The following LRP1B variants were observed in gnomAD, a reference collection of about 807,000 sequenced individuals.
LRP1B encodes low-density lipoprotein receptor-related protein 1B.
Under a neutral mutation model 556.6 loss-of-function variants are expected in LRP1B, and 217 were observed. That is an observed-to-expected ratio of 0.39 (90% confidence interval 0.35 to 0.44). The LOEUF (loss-of-function observed/expected upper bound fraction) is 0.44. Ranked by LOEUF, LRP1B falls within the 20% of genes least tolerant of loss-of-function variation. LRP1B has a pLI of 1.00. For missense variants in LRP1B, 5,053 were observed against 5,620.8 expected (o/e 0.90, Z 3.23); for synonymous variants, 2,047 against 1,865.8 (o/e 1.10, Z -2.50).
At chr2:141,925,462 A>G (rs1243692524) in intron 1 of LRP1B, among the ~76,000 whole-genome samples, 1 of 152,200 alleles carries the variant, frequency 6.6e-6, no homozygotes, top group East Asian at 1.9e-4. Flanking sequence ...TCTGACTCCA[A>G]CAAAACACTA....
chr2:141,850,633 T>C (rs1250357113), intron 1 of LRP1B, among the ~76,000 whole-genome samples: 2 of 150,218 alleles, frequency 1.3e-5, no homozygotes, highest in Non-Finnish European at 3.0e-5. Context: ...TGTGTGTGTG[T>C]GTGTGTGTGT....
In LRP1B at chr2:140,274,618, C is replaced by T. The variant is rs1357598489; in HGVS notation, c.12968-20G>A. The T allele has an allele frequency of 6.3e-7, 1 of 1,597,110 alleles. No individual in the cohort carries two copies. Among genetic ancestry groups the T allele is most frequent in the Non-Finnish European group, 8.5e-7 (1 of 1,170,442 alleles). ...ACACGTCTAGGAAAAAAAGGCACAA[C>T]AGAAAAATAAAATTATATTACAGGA... On this transcript the variant is annotated intron_variant, in intron 84 of 90. Coordinates refer to ENST00000389484, the MANE Select transcript of LRP1B (RefSeq NM_018557.3).
intron 24 of LRP1B, among the ~76,000 whole-genome samples, chr2:140,885,070 A>C (rs1362294943): frequency 6.6e-6 from 1 of 152,180 alleles, no homozygotes; most frequent in Non-Finnish European, 1.5e-5. Flanking sequence ...GTAGTTTGTA[A>C]CATTGCTACC....
intron 2 of LRP1B, among the ~76,000 whole-genome samples, chr2:141,641,812 T>C (rs940011835): frequency 3.9e-5 from 6 of 152,190 alleles, no homozygotes; most frequent in African/African-American, 7.2e-5. Flanking sequence ...ATTAATAACA[T>C]TGTTTAATGA....
At chr2:140,438,775 AG>A (rs1246788150) in intron 66 of LRP1B, among the ~76,000 whole-genome samples, 3 of 152,214 alleles carry the variant, frequency 2.0e-5, no homozygotes, top group Non-Finnish European at 4.4e-5. Flanking sequence ...GTCAACTTAG[AG>A]GCAAGAATCT....
intron 23 of LRP1B, among the ~76,000 whole-genome samples, chr2:140,889,126 C>T (rs1266145182): frequency 1.3e-5 from 2 of 152,114 alleles, no homozygotes; most frequent in Admixed American, 1.3e-4. Flanking sequence ...TGCTGCCAGT[C>T]CACAGACTTT....
intron 43 of LRP1B, among the ~76,000 whole-genome samples, chr2:140,595,235 C>T (rs1167851335): frequency 6.6e-6 from 1 of 150,802 alleles, no homozygotes; most frequent in East Asian, 2.0e-4. Flanking sequence ...ATTGACAATG[C>T]TTTCATTTCA....
intron 1 of LRP1B, among the ~76,000 whole-genome samples, chr2:142,055,229 T>C (rs1357516781): frequency 6.6e-6 from 1 of 151,876 alleles, no homozygotes; most frequent in African/African-American, 2.4e-5. Context: ...GAATAGAGTG[T>C]GGATATAGAG....
intron 7 of LRP1B, among the ~76,000 whole-genome samples, chr2:141,067,154 T>C (rs1350154288): frequency 6.6e-6 from 1 of 152,014 alleles, no homozygotes; most frequent in Non-Finnish European, 1.5e-5. Flanking sequence ...AACAAGAAAG[T>C]AATTTTCCAC....
intron 2 of LRP1B, among the ~76,000 whole-genome samples, chr2:141,532,912 G>A (rs1437708113): frequency 6.6e-6 from 1 of 152,118 alleles, no homozygotes; most frequent in African/African-American, 2.4e-5. Context: ...CTTGAACTCC[G>A]GAGGCAGAGG....
intron 3 of LRP1B, among the ~76,000 whole-genome samples, chr2:141,361,414 A>T (rs1372688784): frequency 6.6e-6 from 1 of 152,114 alleles, no homozygotes; most frequent in African/African-American, 2.4e-5. Flanking sequence ...AATTATATTC[A>T]TATATTTAAA....
chr2:140,866,280 A>C (rs1402100733), intron 27 of LRP1B, among the ~76,000 whole-genome samples: 3 of 152,104 alleles, frequency 2.0e-5, no homozygotes, highest in Non-Finnish European at 4.4e-5. Flanking sequence ...GTTGAAGGAA[A>C]TTCTAGAGAA....
At chr2:141,548,729 T>C (rs1257901848) in intron 2 of LRP1B, among the ~76,000 whole-genome samples, 3 of 152,174 alleles carry the variant, frequency 2.0e-5, no homozygotes, top group African/African-American at 7.2e-5. Context: ...AGAGCCTTTA[T>C]TAGATGGGTG....
At chr2:141,601,805 G>A (rs1470585755) in intron 2 of LRP1B, among the ~76,000 whole-genome samples, 1 of 152,060 alleles carries the variant, frequency 6.6e-6, no homozygotes, top group African/African-American at 2.4e-5. Flanking sequence ...GTTTCACCAT[G>A]TTGGCCAGGC....
At chr2:140,928,999 AG>A (rs1374296695) in intron 20 of LRP1B, among the ~76,000 whole-genome samples, 1 of 152,168 alleles carries the variant, frequency 6.6e-6, no homozygotes, top group Non-Finnish European at 1.5e-5. Context: ...TAAGCACAAT[AG>A]GTATCTATTA....
chr2:140,676,727 C>A (rs1046603058), intron 41 of LRP1B, among the ~76,000 whole-genome samples: 2 of 152,118 alleles, frequency 1.3e-5, no homozygotes, highest in African/African-American at 4.8e-5. Context: ...GTTTAACTTA[C>A]GGTTCCAGAT....
intron 41 of LRP1B, among the ~76,000 whole-genome samples, chr2:140,626,749 T>C (rs1432512888): frequency 2.0e-5 from 3 of 148,768 alleles, no homozygotes; most frequent in South Asian, 2.1e-4. Context: ...AGGTAACATA[T>C]TGGGAAAAAT....
intron 87 of LRP1B, among the ~76,000 whole-genome samples, chr2:140,243,407 T>C (rs1418916661): frequency 6.6e-6 from 1 of 151,192 alleles, no homozygotes; most frequent in East Asian, 2.0e-4. Context: ...TTCACTATCA[T>C]GAAGTTCAGA....
rs1472055002 is a variant in LRP1B, at chr2:141,523,840, C to A, written c.206-43307G>T. On this transcript the variant is annotated intron_variant, in intron 2 of 90. Coordinates refer to ENST00000389484, the MANE Select transcript of LRP1B (RefSeq NM_018557.3). ...CCGAGTAAGGTCCATTACTGTCTTA[C>A]GATTCATGGATTCTTTTCGAAATTT... Among the ~76,000 whole-genome samples, 3 of 152,088 alleles carry A rather than the reference C, an allele frequency of 2.0e-5. No homozygotes were observed. In the South Asian group the frequency reaches 6.2e-4, roughly 31 times the overall value.
Sources: allele counts gnomAD v4.1 joint callset (sites outside exome capture counted in the v4.1 genomes callset), GRCh38; gene constraint gnomAD v4.1.1; transcripts MANE v1.5; gene names NCBI Gene and HGNC (gene_info 2026-07-23, HGNC 2026-07-21).